DOCK5: variants seen among roughly 807,000 people sequenced by gnomAD.
The protein encoded by DOCK5 is dedicator of cytokinesis 5, also known as dedicator of cytokinesis protein 5.
Under a neutral mutation model 251.8 loss-of-function variants are expected in DOCK5, and 142 were observed. The ratio of observed to expected loss-of-function variants is 0.56; its 90% confidence interval spans 0.49 to 0.65. DOCK5 has a LOEUF of 0.65. Ranked by LOEUF, DOCK5 falls within the 30% of genes least tolerant of loss-of-function variation. DOCK5 has a pLI of 0.00. For synonymous variants in DOCK5, 842 were observed against 835.5 expected (o/e 1.01, Z -0.13); for missense variants, 2,111 against 2,312.3 (o/e 0.91, Z 1.79).
At chr8:25,231,065 C>CT (rs1802656565) in intron 1 of DOCK5, among the ~76,000 whole-genome samples, 1 of 151,776 alleles carries the variant, frequency 6.6e-6, no homozygotes, top group Non-Finnish European at 1.5e-5. Context: ...TCATTTCCTC[C>CT]TTTTTTTTCT....
intron 5 of DOCK5, among the ~76,000 whole-genome samples, chr8:25,280,816 G>A (rs942669892): frequency 2.6e-5 from 4 of 152,160 alleles, no homozygotes; most frequent in Non-Finnish European, 1.5e-5. Flanking sequence ...TATATTGAGA[G>A]TACTCTCTGG....
chr8:25,247,919 C>T (rs1803158992), intron 2 of DOCK5, among the ~76,000 whole-genome samples: 1 of 152,120 alleles, frequency 6.6e-6, no homozygotes, highest in South Asian at 2.1e-4. Flanking sequence ...GTCCTGCCCG[C>T]AAGAAACCGC....
intron 2 of DOCK5, among the ~76,000 whole-genome samples, chr8:25,266,403 G>A (rs1803753250): frequency 6.7e-6 from 1 of 150,298 alleles, no homozygotes; most frequent in African/African-American, 2.5e-5. Context: ...TTTTAGTAGA[G>A]ACGGGGTTTC....
At chr8:25,194,260 C>T (rs979706284) in intron 1 of DOCK5, among the ~76,000 whole-genome samples, 1 of 152,120 alleles carries the variant, frequency 6.6e-6, no homozygotes, top group Non-Finnish European at 1.5e-5. Flanking sequence ...CGCCACTACA[C>T]TCCAGCCTGG....
intron 40 of DOCK5, among the ~76,000 whole-genome samples, chr8:25,385,093 G>A (rs2117309280): frequency 6.6e-6 from 1 of 152,282 alleles, no homozygotes; most frequent in South Asian, 2.1e-4. Flanking sequence ...TGAAAGGAAG[G>A]GCCAGTGCAG....
intron 2 of DOCK5, among the ~76,000 whole-genome samples, chr8:25,256,638 CAAA>C (rs891243325): frequency 1.2e-4 from 6 of 48,936 alleles, no homozygotes; most frequent in Admixed American, 6.5e-4. Flanking sequence ...ATCTCCATCT[CAAA>C]AAAAAAAAAA....
chr8:25,364,773 A>C, intron 30 of DOCK5, 69 bp downstream of exon 30: 1 of 1,150,650 alleles, frequency 8.7e-7, no homozygotes. Context: ...ATGAATTTGG[A>C]AAATGTCTCC....
chr8:25,255,329 T>G (rs1285227517), intron 2 of DOCK5, among the ~76,000 whole-genome samples: 1 of 152,162 alleles, frequency 6.6e-6, no homozygotes, highest in Non-Finnish European at 1.5e-5. Flanking sequence ...GGTGAATGGA[T>G]AAACACAGTG....
At chr8:25,398,977 C>T (rs1018032075) in intron 45 of DOCK5, among the ~76,000 whole-genome samples, 12 of 152,248 alleles carry the variant, frequency 7.9e-5, no homozygotes, top group African/African-American at 2.6e-4. Context: ...ATAAGTCTGT[C>T]CTGTAGTTCC....
In DOCK5 at chr8:25,302,439, C is replaced by A; in HGVS notation, c.961C>A (p.Pro321Thr). Residue 321 changes from proline to threonine, a missense_variant, in exon 10 of 52, where the codon CCT becomes ACT. By Grantham distance (38) the Pro-to-Thr change is conservative. This residue lies in a region of DOCK5 where 59 missense variants were observed against 95.0 expected (regional missense o/e 0.62). Coordinates refer to ENST00000276440, the MANE Select transcript of DOCK5 (RefSeq NM_024940.8). ...GKKHTCGLRR[P>T]FGVAVMDITD... is the part of the protein sequence containing the mutation. ...GAAGCACACCTGTGGACTCCGAAGA[C>A]CTTTTGGAGTGGCAGGTACAAGAGA... The A allele has an allele frequency of 6.4e-7, 1 of 1,571,270 alleles. No individual in the cohort carries two copies. The highest frequency in any genetic ancestry group is 1.2e-5 in the South Asian group (1 of 85,738).
At chr8:25,350,964 C>G (rs1800456487) in intron 26 of DOCK5, among the ~76,000 whole-genome samples, 1 of 152,110 alleles carries the variant, frequency 6.6e-6, no homozygotes, top group African/African-American at 2.4e-5. Context: ...TTGTTTTTTT[C>G]CCTCCAACAC....
At chr8:25,220,854 T>C (rs2117498290) in intron 1 of DOCK5, among the ~76,000 whole-genome samples, 1 of 152,300 alleles carries the variant, frequency 6.6e-6, no homozygotes, top group East Asian at 1.9e-4. Context: ...TCCGCCCACC[T>C]TGGCCTCCCA....
chr8:25,239,036 CA>C (rs1426231751), intron 1 of DOCK5, among the ~76,000 whole-genome samples: 11 of 152,146 alleles, frequency 7.2e-5, no homozygotes, highest in African/African-American at 2.7e-4. Context: ...GAGATCCACG[CA>C]GGTAATCGGG....
At chr8:25,329,426 T>C (rs1805633455) in intron 18 of DOCK5, among the ~76,000 whole-genome samples, 1 of 152,176 alleles carries the variant, frequency 6.6e-6, no homozygotes, top group East Asian at 1.9e-4. Context: ...GTATACAGTA[T>C]ACAGTACTAT....
chr8:25,332,784 T>A, intron 20 of DOCK5, 92 bp downstream of exon 20: 4 of 930,890 alleles, frequency 4.3e-6, no homozygotes, highest in East Asian at 2.7e-5. Flanking sequence ...GAATATCTTC[T>A]CACATAAATA....
chr8:25,192,963 C>T (rs772286186), intron 1 of DOCK5, among the ~76,000 whole-genome samples: 17 of 152,090 alleles, frequency 1.1e-4, no homozygotes, highest in Non-Finnish European at 2.1e-4. Context: ...AAAATAAAAG[C>T]GGTGTATTAG....
chr8:25,305,614 A>G (rs1450071295), intron 11 of DOCK5, among the ~76,000 whole-genome samples: 3 of 152,218 alleles, frequency 2.0e-5, no homozygotes, highest in African/African-American at 7.2e-5. Context: ...GTAATATATA[A>G]AGAATTAATA....
chr8:25,369,435 TC>T (rs748269659), intron 33 of DOCK5, 120 bp from the exon 34 acceptor site: 49 of 743,336 alleles, frequency 6.6e-5, no homozygotes, highest in Non-Finnish European at 1.1e-4. Context: ...TCTGTGATCC[TC>T]CCTGTCTGTG....
rs1394098696 is a variant in DOCK5 at position 25,413,807 on chromosome 8, T to C, written c.*2509T>C. The C allele has an allele frequency of 6.6e-6, 1 of 152,166 alleles. No homozygotes were observed. Among genetic ancestry groups the C allele is most frequent in the Non-Finnish European group, 1.5e-5 (1 of 68,026 alleles). The allele number at this position is 152,166 out of a possible 1,614,324, so 9.4% of individuals were successfully genotyped here. Reference sequence around the variant, plus strand: ...CCTGAACAAAAGGGATTCCAGGTAGTATTGTGGCTAAGAGATTACAGCGGA... The same window carrying C: ...CCTGAACAAAAGGGATTCCAGGTAGCATTGTGGCTAAGAGATTACAGCGGA... On this transcript the variant is annotated 3_prime_UTR_variant, in exon 52 of 52. Coordinates refer to ENST00000276440, the MANE Select transcript of DOCK5 (RefSeq NM_024940.8).
Sources: gnomAD v4.1 joint callset for allele counts (sites outside exome capture counted in the v4.1 genomes callset) on GRCh38, gnomAD v4.1.1 for gene constraint, gnomAD v4.1.1 regional missense constraint, MANE v1.5 for transcripts, NCBI Gene and HGNC (gene_info 2026-07-23, HGNC 2026-07-21) for gene names.